Variants in PLXDC2 observed in about 807,000 individuals in gnomAD.
PLXDC2 encodes the protein plexin domain-containing protein 2.
In PLXDC2, 40 loss-of-function variants were observed where a neutral mutation model predicts 68.9. That is an observed-to-expected ratio of 0.58 (90% CI 0.45 to 0.76). PLXDC2 has a LOEUF of 0.76. Ranked by LOEUF, PLXDC2 falls within the 30% of genes least tolerant of loss-of-function variation. The probability of loss-of-function intolerance (pLI) is 0.00; values close to 1 mark genes in which losing one functional copy is unlikely to be tolerated. For synonymous variants in PLXDC2, 243 were observed against 234.2 expected (o/e 1.04, Z -0.34); for missense variants, 644 against 661.9 (o/e 0.97, Z 0.30).
At chr10:19,858,056 G>A (rs558399760) in intron 1 of PLXDC2, among the ~76,000 whole-genome samples, 1 of 152,114 alleles carries the variant, frequency 6.6e-6, no homozygotes, top group Admixed American at 6.6e-5. Context: ...TTGTTTGGGA[G>A]CAACATGCAG....
chr10:20,195,320 T>G (rs1458670544), intron 9 of PLXDC2, among the ~76,000 whole-genome samples: 3 of 152,056 alleles, frequency 2.0e-5, no homozygotes, highest in African/African-American at 7.2e-5. Context: ...TTTTCCTGGT[T>G]AGAAAATGCT....
At chr10:19,988,958 G>A (rs1423320469) in intron 1 of PLXDC2, among the ~76,000 whole-genome samples, 2 of 151,622 alleles carry the variant, frequency 1.3e-5, no homozygotes, top group Non-Finnish European at 2.9e-5. Flanking sequence ...ACCACACCTG[G>A]CTAAATTTTG....
intron 13 of PLXDC2, among the ~76,000 whole-genome samples, chr10:20,249,550 C>G (rs142326126): frequency 1.3e-5 from 2 of 152,072 alleles, no homozygotes; most frequent in African/African-American, 2.4e-5. Flanking sequence ...CTGTTCCCAC[C>G]GTCACATCTC....
intron 1 of PLXDC2, 67 bp from the exon 2 acceptor site, chr10:20,001,708 G>C (rs1038123108): frequency 7.0e-7 from 1 of 1,429,458 alleles, no homozygotes; most frequent in African/African-American, 1.4e-5. Flanking sequence ...TTCTTCTCGA[G>C]CCGATAGCAC....
At chr10:20,091,669 C>G (rs992336498) in intron 4 of PLXDC2, 1 of 152,150 alleles carries the variant, frequency 6.6e-6, no homozygotes, top group African/African-American at 2.4e-5. Flanking sequence ...TTAGCTCAGC[C>G]CTTTTTAAAT....
intron 2 of PLXDC2, among the ~76,000 whole-genome samples, chr10:20,030,407 T>C (rs1228107237): frequency 6.6e-6 from 1 of 152,238 alleles, no homozygotes; most frequent in Non-Finnish European, 1.5e-5. Flanking sequence ...CAAGAGGCTG[T>C]ACAGCTTCTT....
intron 2 of PLXDC2, among the ~76,000 whole-genome samples, chr10:20,036,611 C>G (rs1236773381): frequency 6.6e-6 from 1 of 151,904 alleles, no homozygotes; most frequent in East Asian, 1.9e-4. Flanking sequence ...CATTTTAAGG[C>G]CCTCCATACC....
At chr10:20,046,781 A>G (rs2131682946) in intron 2 of PLXDC2, 88 bp from the exon 3 acceptor site, 1 of 1,331,794 alleles carries the variant, frequency 7.5e-7, no homozygotes. Context: ...AAAAACTATT[A>G]ATACTCTTGA....
chr10:20,040,834 C>T (rs1835670159), intron 2 of PLXDC2, among the ~76,000 whole-genome samples: 1 of 152,110 alleles, frequency 6.6e-6, no homozygotes, highest in South Asian at 2.1e-4. Context: ...GGTATACAAC[C>T]TGAAGGCCAC....
intron 3 of PLXDC2, among the ~76,000 whole-genome samples, chr10:20,058,569 A>G (rs1404579434): frequency 1.3e-5 from 2 of 152,218 alleles, no homozygotes; most frequent in Non-Finnish European, 2.9e-5. Context: ...AATAATAATT[A>G]TTATGCAAAC....
rs139829565 is a variant in PLXDC2, at chr10:20,132,990, T to C, written c.542-10305T>C. The stretch of plus-strand genomic sequence containing the variant: ...AACTTCTTTATCTTTATGTCTACCA[T>C]CAATTTTTCCTTCGTGGTTACCACT... On this transcript the variant is annotated intron_variant, in intron 4 of 13. Transcript: ENST00000377252. Among the ~76,000 whole-genome samples the C allele has an allele frequency of 5.1e-3, 781 of 152,272 alleles. 14 individuals are homozygous for C. The highest frequency in any genetic ancestry group is 0.018 in the African/African-American group (750 of 41,578).
At chr10:20,262,019 C>T (rs771498668) in intron 13 of PLXDC2, among the ~76,000 whole-genome samples, 1 of 152,186 alleles carries the variant, frequency 6.6e-6, no homozygotes, top group Non-Finnish European at 1.5e-5. Flanking sequence ...TGAGCAAATA[C>T]AGCACCTTCA....
At chr10:19,855,430 T>A (rs1837194281) in intron 1 of PLXDC2, among the ~76,000 whole-genome samples, 1 of 152,202 alleles carries the variant, frequency 6.6e-6, no homozygotes, top group South Asian at 2.1e-4. Context: ...TATTTCTGTG[T>A]ACCTTCAGGC....
At chr10:19,942,440 T>A (rs567156683) in intron 1 of PLXDC2, among the ~76,000 whole-genome samples, 26 of 152,352 alleles carry the variant, frequency 1.7e-4, no homozygotes, top group African/African-American at 6.0e-4. Flanking sequence ...TACTATGTAC[T>A]ATCTTACATG....
chr10:20,259,111 T>C (rs1009112518), intron 13 of PLXDC2, among the ~76,000 whole-genome samples: 1 of 152,162 alleles, frequency 6.6e-6, no homozygotes, highest in Non-Finnish European at 1.5e-5. Context: ...CTTACCATGA[T>C]TCTTTATCTC....
chr10:19,890,518 C>G (rs919425084), intron 1 of PLXDC2, among the ~76,000 whole-genome samples: 1 of 136,572 alleles, frequency 7.3e-6, no homozygotes, highest in Non-Finnish European at 1.5e-5. Context: ...TTTCTGAGAA[C>G]TGCTTTTTTT....
chr10:20,023,294 T>C (rs1318527333), intron 2 of PLXDC2, among the ~76,000 whole-genome samples: 1 of 152,100 alleles, frequency 6.6e-6, no homozygotes, highest in Non-Finnish European at 1.5e-5. Flanking sequence ...CTTTGGGAAC[T>C]ACTGCTTTAC....
intron 1 of PLXDC2, among the ~76,000 whole-genome samples, chr10:19,982,580 T>C (rs890617531): frequency 6.6e-6 from 1 of 152,214 alleles, no homozygotes; most frequent in East Asian, 1.9e-4. Flanking sequence ...CGGTAGGTGA[T>C]ATGATTGTTA....
At chr10:19,900,180 A>G (rs1346468628) in intron 1 of PLXDC2, among the ~76,000 whole-genome samples, 1 of 152,226 alleles carries the variant, frequency 6.6e-6, no homozygotes, top group African/African-American at 2.4e-5. Context: ...AAGGATTTTG[A>G]AAAGCACACA....
Sources: allele counts gnomAD v4.1 joint callset (sites outside exome capture counted in the v4.1 genomes callset), GRCh38; gene constraint gnomAD v4.1.1; transcripts MANE v1.5; gene names NCBI Gene and HGNC (gene_info 2026-07-23, HGNC 2026-07-21).